Variants in GRIN2B observed in about 807,000 individuals in gnomAD.
GRIN2B encodes glutamate receptor ionotropic, NMDA 2B.
GRIN2B carries 5 observed loss-of-function variants against 114.5 expected under a neutral mutation model. The observed-to-expected ratio is 0.04, with a 90% CI of 0.02 to 0.09. The LOEUF (loss-of-function observed/expected upper bound fraction) is 0.09, where lower values mean the gene tolerates loss of function less well. GRIN2B is among the 10% of genes least tolerant of loss of function. The pLI is 1.00. For synonymous variants in GRIN2B, 787 were observed against 745.1 expected (o/e 1.06, Z -0.92); for missense variants, 1,108 against 1,943.5 (o/e 0.57, Z 8.08).
chr12:13,915,518 C>T (rs1035886007), intron 2 of GRIN2B, among the ~76,000 whole-genome samples: 5 of 152,188 alleles, frequency 3.3e-5, no homozygotes, highest in African/African-American at 9.7e-5. Flanking sequence ...AGGCTCCAGG[C>T]CCCTTGTAAC....
At position 13,971,383 on chromosome 12, in the gene GRIN2B, G is replaced by C. The variant is rs141161629; in HGVS notation, c.-19+8545C>G. Among the ~76,000 whole-genome samples, 181 of 152,300 alleles carry C rather than the reference G, an allele frequency of 1.2e-3. 2 individuals are homozygous for C. Among genetic ancestry groups the C allele is most frequent in the East Asian group, 0.01 (52 of 5,188 alleles). ...CACATTTATTTTAAAACAGGGAAGA[G>C]AGTAAGCCAAAAAGGAAGGATGTGA... is the stretch of plus-strand genomic sequence containing the variant. On this transcript the variant is annotated intron_variant, in intron 2 of 13. Coordinates refer to ENST00000609686, the MANE Select transcript of GRIN2B (RefSeq NM_000834.5).
chr12:13,904,679 C>G (rs1866510002), intron 2 of GRIN2B, among the ~76,000 whole-genome samples: 1 of 151,982 alleles, frequency 6.6e-6, no homozygotes, highest in South Asian at 2.1e-4. Context: ...TTTTCCAAAT[C>G]TTTAAAACTT....
intron 5 of GRIN2B, chr12:13,670,187 T>G (rs886917361): frequency 4.6e-5 from 7 of 151,992 alleles, no homozygotes; most frequent in Admixed American, 4.6e-4. Flanking sequence ...CTGTGACATC[T>G]CAGAGTTGAA....
chr12:13,811,538 G>A (rs563957675), intron 3 of GRIN2B, among the ~76,000 whole-genome samples: 30 of 152,296 alleles, frequency 2.0e-4, no homozygotes, highest in Admixed American at 2.6e-4. Context: ...CCATTAAAGC[G>A]CCACTGTACT....
At chr12:13,576,374 G>A (rs746400138) in intron 10 of GRIN2B, among the ~76,000 whole-genome samples, 38 of 152,012 alleles carry the variant, frequency 2.5e-4, no homozygotes, top group Non-Finnish European at 4.1e-4. Flanking sequence ...AAAATTTAGC[G>A]CTGTCAAGAA....
chr12:13,653,180 C>T (rs1949833204), intron 5 of GRIN2B, among the ~76,000 whole-genome samples: 1 of 152,096 alleles, frequency 6.6e-6, no homozygotes, highest in Non-Finnish European at 1.5e-5. Flanking sequence ...AATCACTTAG[C>T]AAGTCCCAGC....
intron 3 of GRIN2B, among the ~76,000 whole-genome samples, chr12:13,843,486 CT>C (rs1172655106): frequency 6.6e-6 from 1 of 152,004 alleles, no homozygotes; most frequent in Non-Finnish European, 1.5e-5. Context: ...TTAAATATAC[CT>C]TTTTTTCTTA....
At chr12:13,973,160 G>A (rs540069820) in intron 2 of GRIN2B, among the ~76,000 whole-genome samples, 2 of 152,250 alleles carry the variant, frequency 1.3e-5, no homozygotes, top group African/African-American at 2.4e-5. Flanking sequence ...TAACCATGTA[G>A]TGCTTTTATT....
At chr12:13,621,649 C>G (rs1163343687) in intron 5 of GRIN2B, among the ~76,000 whole-genome samples, 1 of 57,322 alleles carries the variant, frequency 1.7e-5, no homozygotes, top group African/African-American at 7.0e-5. Context: ...TTCAGAAAAA[C>G]AGTGATGTTT....
At chr12:13,826,235 C>T (rs1291233041) in intron 3 of GRIN2B, among the ~76,000 whole-genome samples, 6 of 152,076 alleles carry the variant, frequency 3.9e-5, no homozygotes, top group Admixed American at 6.6e-5. Context: ...CTTTGGGAGG[C>T]CGAGGTGGGC....
intron 4 of GRIN2B, among the ~76,000 whole-genome samples, chr12:13,679,992 T>C: frequency 6.6e-6 from 1 of 152,132 alleles, no homozygotes; most frequent in African/African-American, 2.4e-5. Context: ...AGAAAAAGAA[T>C]ATATTAGCAT....
chr12:13,790,481 A>G (rs909750619), intron 3 of GRIN2B, among the ~76,000 whole-genome samples: 11 of 152,208 alleles, frequency 7.2e-5, no homozygotes, highest in African/African-American at 2.7e-4. Context: ...AATCCACCTG[A>G]CCCAGATGAA....
intron 3 of GRIN2B, among the ~76,000 whole-genome samples, chr12:13,754,153 C>T (rs563961353): frequency 6.6e-6 from 1 of 152,342 alleles, no homozygotes; most frequent in South Asian, 2.1e-4. Context: ...TATGTCTATA[C>T]TTGCCTTGTC....
At chr12:13,768,762 C>A (rs775704772) in intron 3 of GRIN2B, among the ~76,000 whole-genome samples, 1 of 152,194 alleles carries the variant, frequency 6.6e-6, no homozygotes, top group Non-Finnish European at 1.5e-5. Context: ...GTGGCCGGCA[C>A]GGTGGCTCAC....
At chr12:13,786,297 G>A (rs191798565) in intron 3 of GRIN2B, among the ~76,000 whole-genome samples, 6 of 152,256 alleles carry the variant, frequency 3.9e-5, no homozygotes, top group Non-Finnish European at 1.5e-5. Flanking sequence ...TGATTCAAAT[G>A]TCAGAAAAAT....
At chr12:13,566,154 TC>T (rs1319546658) in intron 13 of GRIN2B, among the ~76,000 whole-genome samples, 6 of 152,150 alleles carry the variant, frequency 3.9e-5, no homozygotes, top group African/African-American at 1.4e-4. Flanking sequence ...GAGAAATTGT[TC>T]TCTATCAGTA....
At chr12:13,644,546 C>A (rs553469910) in intron 5 of GRIN2B, among the ~76,000 whole-genome samples, 2 of 152,286 alleles carry the variant, frequency 1.3e-5, no homozygotes, top group African/African-American at 2.4e-5. Flanking sequence ...TAGTCCCTAA[C>A]AGGAGAGTCA....
chr12:13,742,895 G>T (rs890491332), intron 4 of GRIN2B, among the ~76,000 whole-genome samples: 1 of 152,196 alleles, frequency 6.6e-6, no homozygotes, highest in Non-Finnish European at 1.5e-5. Context: ...ACAGGGAAAT[G>T]ATTTACCTTC....
chr12:13,946,389 T>C (rs1591635686), intron 2 of GRIN2B, among the ~76,000 whole-genome samples: 2 of 152,056 alleles, frequency 1.3e-5, no homozygotes, highest in Non-Finnish European at 1.5e-5. Context: ...GATTAACCCT[T>C]TTTTTAAGTT....
Sources: gnomAD v4.1 joint callset for allele counts (sites outside exome capture counted in the v4.1 genomes callset) on GRCh38, gnomAD v4.1.1 for gene constraint, MANE v1.5 for transcripts, NCBI Gene and HGNC (gene_info 2026-07-23, HGNC 2026-07-21) for gene names.